The following SLC8A1 variants were observed in gnomAD, a reference collection of about 807,000 sequenced individuals.
SLC8A1 encodes sodium/calcium exchanger 1.
A neutral mutation model predicts 68.3 loss-of-function variants in SLC8A1; 18 were observed. The observed-to-expected ratio is 0.26, with a 90% CI of 0.18 to 0.39. The LOEUF is 0.39. SLC8A1 is among the 10% of genes least tolerant of loss of function. The pLI is 1.00. For missense variants in SLC8A1, 985 were observed against 1,156.7 expected (o/e 0.85, Z 2.15); for synonymous variants, 475 against 415.5 (o/e 1.14, Z -1.74).
intron 1 of SLC8A1, among the ~76,000 whole-genome samples, chr2:40,441,620 A>G (rs1700503214): frequency 6.6e-6 from 1 of 152,086 alleles, no homozygotes; most frequent in Admixed American, 6.5e-5. Flanking sequence ...CTACACATCT[A>G]CAACCATCTG....
At chr2:40,293,919 T>C (rs1433129808) in intron 2 of SLC8A1, among the ~76,000 whole-genome samples, 5 of 152,144 alleles carry the variant, frequency 3.3e-5, no homozygotes, top group Admixed American at 6.6e-5. Context: ...AGAAACAGCA[T>C]TGATTGGGCG....
chr2:40,387,953 A>G lies in SLC8A1; in HGVS notation c.1808+40520T>C, dbSNP rs1355175677. Among the ~76,000 whole-genome samples, 3 of 151,960 alleles carry G rather than the reference A, an allele frequency of 2.0e-5. No individual in the cohort carries two copies. The South Asian group carries it at 6.2e-4, about 32-fold the overall frequency. ...GACTGCCTCAAAAAAAAAAAAAAAAAAAAAAAGAATTAGTTGAGACTGATG... is the reference window on the plus strand; with the variant it reads ...GACTGCCTCAAAAAAAAAAAAAAAAGAAAAAAGAATTAGTTGAGACTGATG... On this transcript the variant is annotated intron_variant, in intron 2 of 7. Coordinates refer to ENST00000406785, the Ensembl canonical transcript of SLC8A1.
chr2:40,422,030 G>C (rs772050190), intron 2 of SLC8A1, among the ~76,000 whole-genome samples: 9 of 152,126 alleles, frequency 5.9e-5, no homozygotes, highest in Non-Finnish European at 1.2e-4. Flanking sequence ...ACTATGGGAA[G>C]ACAGCAGCTT....
chr2:40,238,835 A>G (rs1338892785), intron 2 of SLC8A1, among the ~76,000 whole-genome samples: 1 of 152,118 alleles, frequency 6.6e-6, no homozygotes, highest in East Asian at 1.9e-4. Flanking sequence ...TATAGAAGCC[A>G]TTTTCTCCTG....
intron 2 of SLC8A1, among the ~76,000 whole-genome samples, chr2:40,210,947 A>AACTT (rs2056472988): frequency 1.3e-5 from 2 of 152,246 alleles, no homozygotes; most frequent in African/African-American, 4.8e-5. Context: ...GATGAGGGAT[A>AACTT]ACTTACACAG....
chr2:40,354,620 TG>T (rs1672131315), intron 2 of SLC8A1, among the ~76,000 whole-genome samples: 1 of 152,218 alleles, frequency 6.6e-6, no homozygotes, highest in African/African-American at 2.4e-5. Context: ...TTGCTTCTTC[TG>T]TAAGTTTACA....
chr2:40,332,165 A>C (rs2076482330), intron 2 of SLC8A1, among the ~76,000 whole-genome samples: 1 of 152,104 alleles, frequency 6.6e-6, no homozygotes, highest in African/African-American at 2.4e-5. Flanking sequence ...GTGACTTGGC[A>C]ACACCGTAAG....
At chr2:40,264,257 G>C (rs1426285896) in intron 2 of SLC8A1, among the ~76,000 whole-genome samples, 1 of 151,994 alleles carries the variant, frequency 6.6e-6, no homozygotes, top group African/African-American at 2.4e-5. Context: ...TGGTGGGACT[G>C]TAAACTAGTT....
exon 8 of SLC8A1, chr2:40,115,289 G>A (rs1268255346): frequency 2.5e-6 from 4 of 1,613,400 alleles, no homozygotes; most frequent in Non-Finnish European, 3.4e-6. Flanking sequence ...CCTCCAGGGA[G>A]GAGAAGAAAA....
rs540209949 is a variant in SLC8A1 at position 40,414,786 on chromosome 2, T to C, written c.1808+13687A>G. On this transcript the variant is annotated intron_variant, in intron 2 of 7. Transcript: ENST00000406785. ...TATGGAAACATATAGCTAACTTGAT[T>C]TGAATTAAATTGGTTTATGCCTACA... Among the ~76,000 whole-genome samples, 20 of 152,262 alleles carry C rather than the reference T, an allele frequency of 1.3e-4. No homozygotes were observed. The East Asian group carries it at 3.9e-3, about 29-fold the overall frequency.
chr2:40,276,954 G>A (rs2066776854), intron 2 of SLC8A1, among the ~76,000 whole-genome samples: 1 of 152,146 alleles, frequency 6.6e-6, no homozygotes, highest in South Asian at 2.1e-4. Context: ...AATGACCAAG[G>A]TTAGAAAGTC....
exon 8 of SLC8A1, chr2:40,097,581 T>A (rs963627756): frequency 2.6e-5 from 4 of 151,986 alleles, no homozygotes; most frequent in South Asian, 2.1e-4. Flanking sequence ...GGAAGAGTCA[T>A]TTATTGTATG....
At chr2:40,507,054 G>C (rs77455202) in intron 1 of SLC8A1, among the ~76,000 whole-genome samples, 4,118 of 151,976 alleles carry the variant, frequency 0.027, 175 homozygotes, top group African/African-American at 0.09. Context: ...AATTTCCAAA[G>C]GTCATATGCT....
At chr2:40,245,825 G>C (rs1434746803) in intron 2 of SLC8A1, among the ~76,000 whole-genome samples, 2 of 152,070 alleles carry the variant, frequency 1.3e-5, no homozygotes, top group East Asian at 3.9e-4. Flanking sequence ...AAATCTCGTA[G>C]AATGGTAAGA....
chr2:40,393,123 T>C (rs1685848653), intron 2 of SLC8A1, among the ~76,000 whole-genome samples: 1 of 152,090 alleles, frequency 6.6e-6, no homozygotes, highest in Non-Finnish European at 1.5e-5. Flanking sequence ...ATCTATTTTA[T>C]AGCTCCGTTT....
At chr2:40,485,033 G>C (rs1346967282) in intron 1 of SLC8A1, among the ~76,000 whole-genome samples, 1 of 152,094 alleles carries the variant, frequency 6.6e-6, no homozygotes, top group Admixed American at 6.5e-5. Context: ...TCATACTAAA[G>C]AATAAGAGCT....
intron 1 of SLC8A1, among the ~76,000 whole-genome samples, chr2:40,431,671 G>A (rs1378255493): frequency 6.6e-6 from 1 of 152,094 alleles, no homozygotes; most frequent in Non-Finnish European, 1.5e-5. Flanking sequence ...GCAGCAATAG[G>A]AAGAAGCCCT....
intron 2 of SLC8A1, among the ~76,000 whole-genome samples, chr2:40,347,942 T>C (rs1669872387): frequency 6.6e-6 from 1 of 152,196 alleles, no homozygotes; most frequent in African/African-American, 2.4e-5. Context: ...GATGGCCCAC[T>C]TGAAATTATA....
At chr2:40,114,171 G>A (rs1270939684) in exon 8 of SLC8A1, 2 of 152,786 alleles carry the variant, frequency 1.3e-5, no homozygotes, top group Admixed American at 1.3e-4. Flanking sequence ...ACCATGCACT[G>A]TGTAACAGGT....
Sources: allele counts gnomAD v4.1 joint callset (sites outside exome capture counted in the v4.1 genomes callset), GRCh38; gene constraint gnomAD v4.1.1; transcripts MANE v1.5; gene names NCBI Gene and HGNC (gene_info 2026-07-23, HGNC 2026-07-21).